FAM13A: variants seen among roughly 807,000 people sequenced by gnomAD.
FAM13A encodes protein FAM13A.
Under a neutral mutation model 129.6 loss-of-function variants are expected in FAM13A, and 76 were observed. The ratio of observed to expected loss-of-function variants is 0.59; its 90% CI spans 0.49 to 0.71. The LOEUF (loss-of-function observed/expected upper bound fraction) is 0.71. Among genes scored for constraint, FAM13A ranks in the 30% least tolerant of loss-of-function variants. The pLI, the probability that FAM13A is intolerant of heterozygous loss-of-function variation, is 0.00. For synonymous variants in FAM13A, 443 were observed against 449.9 expected, an observed-to-expected ratio of 0.98 and a Z score of 0.20; for missense variants, 1,108 against 1,249.3, an observed-to-expected ratio of 0.89 and a Z score of 1.70.
At chr4:88,783,887 G>A (rs9998539) in intron 10 of FAM13A, among the ~76,000 whole-genome samples, 14,323 of 151,918 alleles carry the variant, frequency 0.094, 891 homozygotes, top group African/African-American at 0.16. Context: ...CAACAGAAAC[G>A]GACACTTCTA....
intron 4 of FAM13A, among the ~76,000 whole-genome samples, chr4:88,982,545 T>G (rs1351218757): frequency 1.3e-5 from 2 of 152,228 alleles, no homozygotes; most frequent in African/African-American, 4.8e-5. Context: ...CCTGCATTAG[T>G]AGAATAAGGA....
chr4:88,943,839 A>C (rs1290353510), intron 4 of FAM13A, among the ~76,000 whole-genome samples: 3 of 152,240 alleles, frequency 2.0e-5, no homozygotes. Context: ...AAAGCTTTTA[A>C]AAAATTTGAA....
At chr4:89,025,933 A>T (rs1767908921) in intron 2 of FAM13A, among the ~76,000 whole-genome samples, 1 of 152,218 alleles carries the variant, frequency 6.6e-6, no homozygotes, top group South Asian at 2.1e-4. Flanking sequence ...ACTCTCCTAT[A>T]TTTTTAACCA....
At chr4:88,767,918 GCATTACATGAAAA>G in intron 12 of FAM13A, 52 bp downstream of exon 12, 1 of 936,246 alleles carries the variant, frequency 1.1e-6, no homozygotes, top group Admixed American at 1.7e-5. Context: ...AATTCACATT[GCATTACATGAAAA>G]TAACCTTTTC....
At chr4:88,767,685 A>T in intron 12 of FAM13A, 90 bp from the exon 13 acceptor site, 1 of 1,012,344 alleles carries the variant, frequency 9.9e-7, no homozygotes, top group Non-Finnish European at 1.4e-6. Context: ...TTAATTTAAG[A>T]GTATGTTGAG....
chr4:88,846,630 T>C (rs1736685854), intron 7 of FAM13A, among the ~76,000 whole-genome samples: 1 of 152,250 alleles, frequency 6.6e-6, no homozygotes, highest in Admixed American at 6.5e-5. Flanking sequence ...AGCATATCCC[T>C]CCTCACTCCA....
chr4:88,834,820 T>C (rs750919109), intron 7 of FAM13A, among the ~76,000 whole-genome samples: 24 of 152,204 alleles, frequency 1.6e-4, no homozygotes, highest in Non-Finnish European at 1.9e-4. Flanking sequence ...GAATACTTTG[T>C]TAATAAAAGT....
rs185391536 is a variant in FAM13A at position 88,841,348 on chromosome 4, G to C, written c.1007+9672C>G. Among the ~76,000 whole-genome samples the C allele has an allele frequency of 1.4e-4, 22 of 152,056 alleles. 1 individual carries two copies. The highest frequency in any genetic ancestry group is 3.4e-3 in the Middle Eastern group (1 of 294). On this transcript the variant is annotated intron_variant, in intron 7 of 23. Transcript: ENST00000264344. ...GTCTTTACTAGAAATACAAAAATTA[G>C]CCAGGCATGGTGGCATGCGCCTGTA...
Position 88,767,878 on chromosome 4 carries a change from T to G in FAM13A, c.1535+105A>C, listed in dbSNP as rs1266215780. On this transcript the variant is annotated intron_variant, in intron 12 of 23. Transcript: ENST00000264344. ...TAAAATATTGCTGGTAAATATATAGTCCTTTAATTCCATTCTTTTTAGTTC... is the reference window on the plus strand; with the variant it reads ...TAAAATATTGCTGGTAAATATATAGGCCTTTAATTCCATTCTTTTTAGTTC... The G allele has an allele frequency of 1.2e-4, 90 of 734,136 alleles. No individual in the cohort carries two copies. In the East Asian group the frequency reaches 2.4e-3, roughly 19 times the overall value. 45.5% of individuals were successfully genotyped at this position (734,136 alleles called of 1,614,324 possible).
At chr4:88,743,967 A>G (rs1490303407) in intron 19 of FAM13A, among the ~76,000 whole-genome samples, 1 of 152,208 alleles carries the variant, frequency 6.6e-6, no homozygotes, top group Non-Finnish European at 1.5e-5. Context: ...ATGGATTCTT[A>G]TAACTGTTGC....
chr4:88,925,638 A>G (rs1465119630), intron 5 of FAM13A, among the ~76,000 whole-genome samples: 1 of 152,038 alleles, frequency 6.6e-6, no homozygotes, highest in East Asian at 1.9e-4. Context: ...GCACATGTAT[A>G]CATATGTAAC....
chr4:88,832,175 G>C (rs1429228056), intron 7 of FAM13A, among the ~76,000 whole-genome samples: 5 of 152,186 alleles, frequency 3.3e-5, no homozygotes, highest in African/African-American at 1.2e-4. Flanking sequence ...GGGAGAACTG[G>C]CTAGCCATAT....
At chr4:88,918,711 T>C (rs555390743) in intron 5 of FAM13A, among the ~76,000 whole-genome samples, 1 of 152,360 alleles carries the variant, frequency 6.6e-6, no homozygotes, top group East Asian at 1.9e-4. Flanking sequence ...ATGAAGCCTT[T>C]AATCATTATC....
chr4:88,944,255 A>G (rs1006301752), intron 4 of FAM13A, among the ~76,000 whole-genome samples: 1 of 152,044 alleles, frequency 6.6e-6, no homozygotes, highest in African/African-American at 2.4e-5. Flanking sequence ...AGGAGGCTGA[A>G]GTGGGAGGAC....
chr4:88,997,504 T>C (rs557353287), intron 3 of FAM13A, among the ~76,000 whole-genome samples: 1 of 152,236 alleles, frequency 6.6e-6, no homozygotes, highest in South Asian at 2.1e-4. Context: ...AATACTTTTG[T>C]TCCAGGTTAA....
At chr4:88,793,130 T>C (rs1003307669) in intron 8 of FAM13A, among the ~76,000 whole-genome samples, 1 of 152,032 alleles carries the variant, frequency 6.6e-6, no homozygotes, top group African/African-American at 2.4e-5. Context: ...TGGCAGAGGC[T>C]CTTATCTTCG....
chr4:88,955,139 T>C (rs1395794711), intron 4 of FAM13A, among the ~76,000 whole-genome samples: 1 of 152,136 alleles, frequency 6.6e-6, no homozygotes, highest in Non-Finnish European at 1.5e-5. Flanking sequence ...ACTAACCATA[T>C]TATAGTTAGA....
intron 1 of FAM13A, among the ~76,000 whole-genome samples, chr4:89,052,562 C>T (rs1189297805): frequency 6.7e-6 from 1 of 150,136 alleles, no homozygotes; most frequent in African/African-American, 2.4e-5. Flanking sequence ...GCACTCTGGG[C>T]CTGGGATGAG....
chr4:89,012,819 A>C (rs923877667), intron 3 of FAM13A, among the ~76,000 whole-genome samples: 2 of 152,190 alleles, frequency 1.3e-5, no homozygotes, highest in African/African-American at 4.8e-5. Flanking sequence ...TCAACTATGA[A>C]ATCACTTGCT....
Sources: gnomAD v4.1 joint callset for allele counts (sites outside exome capture counted in the v4.1 genomes callset) on GRCh38, gnomAD v4.1.1 for gene constraint, MANE v1.5 for transcripts, NCBI Gene and HGNC (gene_info 2026-07-23, HGNC 2026-07-21) for gene names.